The following GMDS variants were observed in gnomAD, a reference collection of about 807,000 sequenced individuals.
GMDS encodes GDP-mannose 4,6 dehydratase.
A neutral mutation model predicts 49.9 loss-of-function variants in GMDS; 20 were observed. The ratio of observed to expected loss-of-function variants is 0.40; its 90% CI spans 0.28 to 0.58. The LOEUF is 0.58. Among genes scored for constraint, GMDS ranks in the 20% least tolerant of loss-of-function variants. GMDS has a pLI of 0.42. For synonymous variants in GMDS, 177 were observed against 178.6 expected (o/e 0.99, Z 0.07); for missense variants, 362 against 481.4 (o/e 0.75, Z 2.32).
intron 9 of GMDS, among the ~76,000 whole-genome samples, chr6:1,659,700 C>A (rs1309779085): frequency 6.6e-6 from 1 of 152,114 alleles, no homozygotes; most frequent in Non-Finnish European, 1.5e-5. Context: ...CTGTTTCGGG[C>A]AGAGGACACT....
chr6:2,153,311 G>A (rs1776931162), intron 1 of GMDS, among the ~76,000 whole-genome samples: 1 of 152,060 alleles, frequency 6.6e-6, no homozygotes, highest in Non-Finnish European at 1.5e-5. Flanking sequence ...ACAAAATCCA[G>A]AGATCATAAA....
At chr6:2,197,205 C>A (rs897034440) in intron 1 of GMDS, among the ~76,000 whole-genome samples, 7 of 152,208 alleles carry the variant, frequency 4.6e-5, no homozygotes, top group African/African-American at 1.7e-4. Flanking sequence ...ATGCCAGAGG[C>A]TCTCCCGCAC....
intron 7 of GMDS, among the ~76,000 whole-genome samples, chr6:1,761,455 C>T (rs903346739): frequency 2.6e-5 from 4 of 152,146 alleles, no homozygotes; most frequent in Non-Finnish European, 4.4e-5. Context: ...AAGTTATCAA[C>T]GGCTGCTCAA....
At chr6:1,977,165 T>G (rs1465638838) in intron 4 of GMDS, among the ~76,000 whole-genome samples, 1 of 152,230 alleles carries the variant, frequency 6.6e-6, no homozygotes, top group Non-Finnish European at 1.5e-5. Context: ...ACTAATTTGC[T>G]ATGAAAAGTA....
chr6:1,763,682 C>T (rs1016527726), intron 7 of GMDS, among the ~76,000 whole-genome samples: 15 of 152,152 alleles, frequency 9.9e-5, no homozygotes, highest in African/African-American at 2.7e-4. Flanking sequence ...AATGGATTTC[C>T]GGTTTGCCCA....
chr6:1,868,505 C>T (rs551313934), intron 7 of GMDS, among the ~76,000 whole-genome samples: 1 of 152,272 alleles, frequency 6.6e-6, no homozygotes, highest in Middle Eastern at 3.4e-3. Flanking sequence ...TCAGGGAGCA[C>T]AAGTGGATGG....
intron 6 of GMDS, among the ~76,000 whole-genome samples, chr6:1,947,822 T>G (rs1346842043): frequency 6.6e-6 from 1 of 152,222 alleles, no homozygotes; most frequent in Non-Finnish European, 1.5e-5. Flanking sequence ...TCCCACAAGT[T>G]ACTTTACCAG....
chr6:2,010,251 C>T (rs35781270), intron 4 of GMDS, among the ~76,000 whole-genome samples: 3,115 of 150,360 alleles, frequency 0.021, 69 homozygotes, highest in South Asian at 0.095. Flanking sequence ...CGCTTGAACC[C>T]GAGAGGCAGA....
At chr6:2,081,472 T>A (rs1180104290) in intron 4 of GMDS, among the ~76,000 whole-genome samples, 3 of 152,210 alleles carry the variant, frequency 2.0e-5, no homozygotes, top group East Asian at 3.9e-4. Context: ...TCTGTCCACA[T>A]CCCTCTGCTC....
intron 7 of GMDS, among the ~76,000 whole-genome samples, chr6:1,840,867 G>A (rs1757125068): frequency 6.6e-6 from 1 of 152,244 alleles, no homozygotes; most frequent in Non-Finnish European, 1.5e-5. Flanking sequence ...AAATGCCTCA[G>A]TGGCAGTTTG....
intron 7 of GMDS, among the ~76,000 whole-genome samples, chr6:1,832,662 G>C (rs909555578): frequency 1.3e-5 from 2 of 152,084 alleles, no homozygotes; most frequent in Non-Finnish European, 2.9e-5. Flanking sequence ...AAGACTCCTT[G>C]GTCTTAAAAA....
At chr6:2,190,279 C>T (rs1290857292) in intron 1 of GMDS, among the ~76,000 whole-genome samples, 1 of 152,150 alleles carries the variant, frequency 6.6e-6, no homozygotes, top group Non-Finnish European at 1.5e-5. Flanking sequence ...CTAACCCTAA[C>T]CCCATTTTGA....
chr6:2,018,313 T>C (rs1046085347), intron 4 of GMDS, among the ~76,000 whole-genome samples: 1 of 152,234 alleles, frequency 6.6e-6, no homozygotes, highest in Non-Finnish European at 1.5e-5. Flanking sequence ...TGTCAAGTTC[T>C]AGACAGTGGT....
At chr6:2,058,304 C>G (rs1248475196) in intron 4 of GMDS, among the ~76,000 whole-genome samples, 1 of 144,418 alleles carries the variant, frequency 6.9e-6, no homozygotes, top group African/African-American at 2.6e-5. Context: ...AAGATGGCAC[C>G]ACTGCACTCC....
intron 1 of GMDS, among the ~76,000 whole-genome samples, chr6:2,234,526 T>C (rs1781262659): frequency 6.6e-6 from 1 of 151,996 alleles, no homozygotes; most frequent in Admixed American, 6.6e-5. Flanking sequence ...GGAGAATCAC[T>C]TGAACCCAGG....
chr6:2,210,311 C>A (rs147942772), intron 1 of GMDS, among the ~76,000 whole-genome samples: 197 of 152,270 alleles, frequency 1.3e-3, no homozygotes, highest in African/African-American at 4.7e-3. Flanking sequence ...GATTAAATGG[C>A]ATAATGCACA....
At chr6:2,011,059 A>G (rs748883259) in intron 4 of GMDS, among the ~76,000 whole-genome samples, 15 of 152,180 alleles carry the variant, frequency 9.9e-5, no homozygotes, top group Non-Finnish European at 1.5e-4. Context: ...CAAATAAGGC[A>G]AGAAAAGACG....
chr6:1,908,805 GT>G (rs1232511250), intron 7 of GMDS, among the ~76,000 whole-genome samples: 3 of 152,218 alleles, frequency 2.0e-5, no homozygotes, highest in Non-Finnish European at 4.4e-5. Flanking sequence ...TTCTTCATAT[GT>G]TTATGTAGCT....
intron 4 of GMDS, among the ~76,000 whole-genome samples, chr6:2,029,198 C>T (rs1320439061): frequency 3.9e-5 from 6 of 152,084 alleles, no homozygotes; most frequent in African/African-American, 4.8e-5. Flanking sequence ...CACCTTTTGG[C>T]TTCTTCCATC....
Sources: allele counts gnomAD v4.1 joint callset (sites outside exome capture counted in the v4.1 genomes callset), GRCh38; gene constraint gnomAD v4.1.1; transcripts MANE v1.5; gene names NCBI Gene and HGNC (gene_info 2026-07-23, HGNC 2026-07-21).